Variants in PTPRS observed in about 807,000 individuals in gnomAD.
PTPRS encodes protein tyrosine phosphatase receptor type S, also known as receptor-type tyrosine-protein phosphatase S.
In PTPRS, 63 loss-of-function variants were observed where a neutral mutation model predicts 215.3. That is an observed-to-expected ratio of 0.29 (90% confidence interval 0.24 to 0.36). PTPRS has a LOEUF of 0.36. Among genes scored for constraint, PTPRS ranks in the 10% least tolerant of loss-of-function variants. The pLI is 1.00. For synonymous variants in PTPRS, 1,404 were observed against 1,191.4 expected (o/e 1.18, Z -3.68); for missense variants, 2,258 against 2,825.8 (o/e 0.80, Z 4.56).
intron 1 of PTPRS, among the ~76,000 whole-genome samples, chr19:5,305,252 A>AC (rs2049442434): frequency 6.6e-6 from 1 of 152,144 alleles, no homozygotes; most frequent in South Asian, 2.1e-4. Flanking sequence ...TCTCCTCAGA[A>AC]CAGCTATTAT....
rs935360174 is a variant in PTPRS at position 5,339,228 on chromosome 19, G to A, written c.-95+1436C>T. 3.9e-5 allele frequency among the ~76,000 whole-genome samples: 6 copies of A among 152,154 alleles called. No homozygotes were observed. The highest frequency in any genetic ancestry group is 8.8e-5 in the Non-Finnish European group (6 of 68,012). ...AGGGGAATCCCAGCTGAGCCCAGAA[G>A]GGGGAGGCAAGGCACCCCCAATGAG... is the stretch of plus-strand genomic sequence containing the variant. On this transcript the variant is annotated intron_variant, in intron 1 of 37. Coordinates refer to ENST00000262963, the MANE Select transcript of PTPRS (RefSeq NM_002850.4). The surrounding 1 kb of genome is among the most constrained non-coding windows in gnomAD (Gnocchi z 4.2).
intron 6 of PTPRS, 93 bp downstream of exon 6, chr19:5,262,871 G>C (rs893279459): frequency 1.5e-6 from 2 of 1,347,062 alleles, no homozygotes; most frequent in South Asian, 1.3e-5. Flanking sequence ...TTACCATCAC[G>C]GTGGCTGTTA....
chr19:5,234,509 T>TA (rs1163346822), intron 13 of PTPRS, among the ~76,000 whole-genome samples: 75 of 152,330 alleles, frequency 4.9e-4, no homozygotes, highest in African/African-American at 1.8e-3. Flanking sequence ...ACTACTAACC[T>TA]ATCAACAGCA....
At chr19:5,234,534 A>G (rs1022185763) in intron 13 of PTPRS, among the ~76,000 whole-genome samples, 1 of 152,242 alleles carries the variant, frequency 6.6e-6, no homozygotes, top group Non-Finnish European at 1.5e-5. Context: ...TCATTTATTG[A>G]ACATCTACTA....
At chr19:5,282,111 T>C (rs1268480332) in intron 2 of PTPRS, among the ~76,000 whole-genome samples, 3 of 151,948 alleles carry the variant, frequency 2.0e-5, no homozygotes, top group Admixed American at 1.3e-4. Context: ...CTTGGTTCCC[T>C]GGGACCTCAG....
At chr19:5,300,616 C>G (rs1479693239) in intron 1 of PTPRS, among the ~76,000 whole-genome samples, 2 of 151,620 alleles carry the variant, frequency 1.3e-5, no homozygotes, top group Admixed American at 1.3e-4. Context: ...CCAAAAAATA[C>G]CAAAATTAGC....
Position 5,206,642 on chromosome 19 carries a change from G to A in PTPRS, c.*132C>T. 1 of 757,460 alleles carries A rather than the reference G, an allele frequency of 1.3e-6. No homozygotes were observed. The highest frequency in any genetic ancestry group is 1.7e-5 in the South Asian group (1 of 59,104). 46.9% of individuals were successfully genotyped at this position (757,460 alleles called of 1,614,324 possible). The stretch of plus-strand genomic sequence containing the variant: ...GAGGGGCTGCGTCGTCCTCGGAAAT[G>A]GTGCAGAAACACAGCTGCTGCCGCT... On this transcript the variant is annotated 3_prime_UTR_variant, in exon 38 of 38. Coordinates refer to ENST00000262963, the MANE Select transcript of PTPRS (RefSeq NM_002850.4).
At chr19:5,331,696 G>A (rs954154170) in intron 1 of PTPRS, among the ~76,000 whole-genome samples, 11 of 152,180 alleles carry the variant, frequency 7.2e-5, no homozygotes, top group Admixed American at 7.2e-4. Context: ...CCAGCCCCAA[G>A]AGCAAACGAC....
intron 25 of PTPRS, among the ~76,000 whole-genome samples, chr19:5,217,914 G>A (rs956553263): frequency 1.3e-5 from 2 of 152,114 alleles, no homozygotes; most frequent in African/African-American, 4.8e-5. Flanking sequence ...AATCTACAGG[G>A]AACTATAAAG....
intron 1 of PTPRS, among the ~76,000 whole-genome samples, chr19:5,302,899 T>C (rs1343853059): frequency 2.2e-5 from 1 of 45,414 alleles, no homozygotes; most frequent in East Asian, 4.7e-4. Flanking sequence ...CTACTAAAAA[T>C]ACAAAAAAAA....
In PTPRS at chr19:5,206,517, GTT is replaced by G. The variant is rs2144873573; in HGVS notation, c.*255_*256del. The G allele has an allele frequency of 2.6e-6, 1 of 391,610 alleles. No individual in the cohort carries two copies. The highest frequency in any genetic ancestry group is 2.1e-5 in the African/African-American group (1 of 48,530). The allele number at this position is 391,610 out of a possible 1,614,324, so 24.3% of individuals were successfully genotyped here. A position where few individuals can be genotyped will look rare whatever the true frequency, so the allele number is the denominator to read the frequency against. On this transcript the variant is annotated 3_prime_UTR_variant, in exon 38 of 38. Transcript: ENST00000262963. ...CCCCCACCCCCCACCCCGGAATCTGGTTTTGGAATTGGAAGGAAAGGAGGAAT... is the reference window on the plus strand; with the variant it reads ...CCCCCACCCCCCACCCCGGAATCTGGTTGGAATTGGAAGGAAAGGAGGAAT...
At position 5,220,173 on chromosome 19, in the gene PTPRS, G is replaced by A; in HGVS notation, c.3550-19C>T. 1 of 1,609,674 alleles carries A rather than the reference G, an allele frequency of 6.2e-7. No homozygotes were observed. Among genetic ancestry groups the A allele is most frequent in the Non-Finnish European group, 8.5e-7 (1 of 1,177,890 alleles). Reference sequence around the variant, plus strand: ...GGATGAGCTGCGGGAACAGAGTCATGGGTGGCTCAGAGCTCAGCTGGGAGC... The same window carrying A: ...GGATGAGCTGCGGGAACAGAGTCATAGGTGGCTCAGAGCTCAGCTGGGAGC... On this transcript the variant is annotated intron_variant, in intron 21 of 37. Transcript: ENST00000262963.
intron 20 of PTPRS, among the ~76,000 whole-genome samples, chr19:5,220,679 T>C (rs547030503): frequency 6.6e-6 from 1 of 152,146 alleles, no homozygotes; most frequent in South Asian, 2.1e-4. Flanking sequence ...AGTGCTCCTC[T>C]CCCCACTGGG....
At position 5,249,030 on chromosome 19, in the gene PTPRS, G is replaced by A. The variant is rs1240735373; in HGVS notation, c.719-2985C>T. Among the ~76,000 whole-genome samples the A allele has an allele frequency of 2.6e-5, 4 of 152,354 alleles. No homozygotes were observed. In the East Asian group the frequency reaches 7.7e-4, roughly 29 times the overall value. ...GGATGAATTATAAAAAGGAAATGGAGGCAGGCGCAGTGGCTCATGCCTGTG... is the reference window on the plus strand; with the variant it reads ...GGATGAATTATAAAAAGGAAATGGAAGCAGGCGCAGTGGCTCATGCCTGTG... On this transcript the variant is annotated intron_variant, in intron 9 of 37. Coordinates refer to ENST00000262963, the MANE Select transcript of PTPRS (RefSeq NM_002850.4).
intron 16 of PTPRS, among the ~76,000 whole-genome samples, chr19:5,228,194 G>A (rs2042672331): frequency 6.6e-6 from 1 of 151,708 alleles, no homozygotes; most frequent in Middle Eastern, 3.4e-3. Flanking sequence ...TTAGAGACAG[G>A]ATCAGCCAGG....
rs1013101831 is a variant in PTPRS at position 5,338,516 on chromosome 19, G to T, written c.-95+2148C>A. Reference sequence around the variant, plus strand: ...GAAGGCTTTGTGGAGGGCAGCGGGGGGGTAGGGGAGGGATGCCCAGGTGGG... The same window carrying T: ...GAAGGCTTTGTGGAGGGCAGCGGGGTGGTAGGGGAGGGATGCCCAGGTGGG... On this transcript the variant is annotated intron_variant, in intron 1 of 37. Transcript: ENST00000262963. The surrounding 1 kb of genome is among the most constrained non-coding windows in gnomAD (Gnocchi z 4.2). Among the ~76,000 whole-genome samples the T allele has an allele frequency of 1.1e-4, 17 of 152,212 alleles. No individual in the cohort carries two copies. Among genetic ancestry groups the T allele is most frequent in the Non-Finnish European group, 2.2e-4 (15 of 68,036 alleles).
At chr19:5,251,355 T>C (rs1313118927) in intron 9 of PTPRS, among the ~76,000 whole-genome samples, 1 of 146,790 alleles carries the variant, frequency 6.8e-6, no homozygotes, top group Non-Finnish European at 1.5e-5. Flanking sequence ...GCTGGCTCCC[T>C]GGCCCACGGG....
rs1456536630 is a variant in PTPRS at position 5,250,779 on chromosome 19, C to G, written c.719-4734G>C. 3.4e-5 allele frequency among the ~76,000 whole-genome samples: 5 copies of G among 148,740 alleles called. No homozygotes were observed. The South Asian group carries it at 6.5e-4, about 19-fold the overall frequency. The stretch of plus-strand genomic sequence containing the variant: ...GACCCCTCCCCCAGGCAGGAAGAGG[C>G]AGAAACACAAAAACCAAAAAAGGGG... On this transcript the variant is annotated intron_variant, in intron 9 of 37. Transcript: ENST00000262963.
intron 1 of PTPRS, among the ~76,000 whole-genome samples, chr19:5,315,126 C>T (rs1474698549): frequency 6.6e-6 from 1 of 152,074 alleles, no homozygotes; most frequent in Non-Finnish European, 1.5e-5. Flanking sequence ...GCCCAGTTAA[C>T]TCCTTCTCTA....
Sources: allele counts gnomAD v4.1 joint callset (sites outside exome capture counted in the v4.1 genomes callset), GRCh38; gene constraint gnomAD v4.1.1; non-coding constraint Gnocchi (gnomAD v3.1); transcripts MANE v1.5; gene names NCBI Gene and HGNC (gene_info 2026-07-23, HGNC 2026-07-21).